RASGRF1: variants seen among roughly 807,000 people sequenced by gnomAD.
RASGRF1 encodes the protein ras-specific guanine nucleotide-releasing factor 1.
Under a neutral mutation model 138.7 loss-of-function variants are expected in RASGRF1, and 40 were observed. The ratio of observed to expected loss-of-function variants is 0.29; its 90% CI spans 0.22 to 0.38. The LOEUF is 0.38. Ranked by LOEUF, RASGRF1 falls within the 10% of genes least tolerant of loss-of-function variation. RASGRF1 has a pLI of 1.00. For synonymous variants in RASGRF1, 614 were observed against 663.2 expected (o/e 0.93, Z 1.14); for missense variants, 1,108 against 1,650.4 (o/e 0.67, Z 5.69).
In RASGRF1 at chr15:78,990,343, TTTTTA is replaced by T. The variant is rs200701574; in HGVS notation, c.3132-75_3132-71del. The T allele has an allele frequency of 4.0e-5, 44 of 1,090,216 alleles. No individual in the cohort carries two copies. The East Asian group carries it at 8.3e-4, about 20-fold the overall frequency. 67.5% of individuals were successfully genotyped at this position (1,090,216 alleles called of 1,614,324 possible). Reference sequence around the variant, plus strand: ...CCTTGCTGATTTCATTGCTCCATGCTTTTTATTTTATTTTTTGGCTTTTTGAGGCT... The same window carrying T: ...CCTTGCTGATTTCATTGCTCCATGCTTTTTATTTTTTGGCTTTTTGAGGCT... On this transcript the variant is annotated intron_variant, in intron 21 of 26. Coordinates refer to ENST00000558480, the MANE Select transcript of RASGRF1 (RefSeq NM_001145648.3).
At chr15:79,066,866 T>G (rs937275818) in intron 1 of RASGRF1, among the ~76,000 whole-genome samples, 1 of 152,104 alleles carries the variant, frequency 6.6e-6, no homozygotes, top group Non-Finnish European at 1.5e-5. Flanking sequence ...CCTGGAGGCT[T>G]CAGGAAGCCG....
At chr15:79,019,549 C>A (rs1161175857) in intron 11 of RASGRF1, among the ~76,000 whole-genome samples, 3 of 152,200 alleles carry the variant, frequency 2.0e-5, no homozygotes, top group Admixed American at 6.5e-5. Flanking sequence ...CCCTGCAATC[C>A]CTCTGTCAGT....
intron 20 of RASGRF1, 104 bp from the exon 21 acceptor site, chr15:78,991,898 G>A (rs1326359353): frequency 1.2e-5 from 10 of 846,382 alleles, no homozygotes; most frequent in African/African-American, 1.7e-5. Flanking sequence ...GAATTGGGTG[G>A]GCGGGTGGAC....
rs1405939158 is a variant in RASGRF1 at position 79,006,782 on chromosome 15, T to C, written c.1827-348A>G. 2.0e-5 allele frequency among the ~76,000 whole-genome samples: 3 copies of C among 151,978 alleles called. No individual in the cohort carries two copies. Among genetic ancestry groups the C allele is most frequent in the Non-Finnish European group, 4.4e-5 (3 of 67,972 alleles). ...ATCCCAGCACTTTGGGAGGCTGAGG[T>C]GGGAGGATCACTTGAGGTCAGGAGC... On this transcript the variant is annotated intron_variant, in intron 13 of 26. Transcript: ENST00000558480. The surrounding 1 kb of genome is among the most constrained non-coding windows in gnomAD (Gnocchi z 4.0).
chr15:79,052,682 G>C (rs1460408220), intron 3 of RASGRF1, among the ~76,000 whole-genome samples: 2 of 152,212 alleles, frequency 1.3e-5, no homozygotes, highest in Non-Finnish European at 2.9e-5. Flanking sequence ...CCCCAGGAAA[G>C]GTTTTGAAGG....
At position 79,003,991 on chromosome 15, in the gene RASGRF1, G is replaced by C; in HGVS notation, c.2260C>G (p.Leu754Val). 2 of 1,614,208 alleles carry C rather than the reference G, an allele frequency of 1.2e-6. No homozygotes were observed. The highest frequency in any genetic ancestry group is 8.5e-7 in the Non-Finnish European group (1 of 1,180,034). The change falls in exon 15 of 27, where the codon CTG becomes GTG. Residue 754 changes from leucine to valine, a missense_variant. By Grantham distance (32) the Leu-to-Val change is conservative. This residue lies in a region of RASGRF1 where 686 missense variants were observed against 976.7 expected (regional missense o/e 0.70). Transcript: ENST00000558480. ...TTGCAGCTGAGGGCGGCCAGGTCCA[G>C]GGCCTTGCCGCCAGTGATGATGGGG... ...NIPIITGGKA[L>V]DLAALSCNSN...
At chr15:79,036,456 T>C (rs1024931516) in intron 5 of RASGRF1, among the ~76,000 whole-genome samples, 6 of 152,360 alleles carry the variant, frequency 3.9e-5, no homozygotes, top group African/African-American at 1.4e-4. Context: ...TTTGTTTGGC[T>C]GTTTGAGGCA....
chr15:78,978,660 C>T (rs1287936813), intron 24 of RASGRF1: 26 of 1,013,222 alleles, frequency 2.6e-5, no homozygotes, highest in African/African-American at 1.4e-4. Context: ...ACTGCCACCT[C>T]GCTACTCTTG....
chr15:78,980,378 T>C (rs1848936672), intron 24 of RASGRF1: 1 of 379,946 alleles, frequency 2.6e-6, no homozygotes, highest in African/African-American at 2.0e-5. Context: ...CTACTATGCT[T>C]TCAGGGATCC....
At chr15:79,019,902 G>A (rs1471045411) in intron 11 of RASGRF1, 139 bp downstream of exon 11, 3 of 947,660 alleles carry the variant, frequency 3.2e-6, no homozygotes, top group African/African-American at 3.2e-5. Context: ...TGTGCATGAG[G>A]GCATGTGTGG....
Position 79,030,966 on chromosome 15 carries a change from T to C in RASGRF1, c.1262+434A>G, listed in dbSNP as rs550116355. 3.4e-3 allele frequency among the ~76,000 whole-genome samples: 520 copies of C among 152,326 alleles called. 2 individuals carry two copies. The highest frequency in any genetic ancestry group is 0.011 in the African/African-American group (476 of 41,578). ...GGGGCACTAGATTGGACAAGCCATG[T>C]GCTTATCCAACCACTGCCACTACCT... On this transcript the variant is annotated intron_variant, in intron 8 of 26. Transcript: ENST00000558480.
At position 79,090,562 on chromosome 15, in the gene RASGRF1, G is replaced by A. The variant is rs1165378986; in HGVS notation, c.-64C>T. Reference sequence around the variant, plus strand: ...TTCTCCGCGCAGCAGCCCCCCGTCCGTGCGCGCTGCGCGCTGCCTCTCTCT... The same window carrying A: ...TTCTCCGCGCAGCAGCCCCCCGTCCATGCGCGCTGCGCGCTGCCTCTCTCT... On this transcript the variant is annotated 5_prime_UTR_variant, in exon 1 of 27. It adds an upstream start codon to the 5' untranslated region. Transcript: ENST00000558480. 5 of 1,570,918 alleles carry A rather than the reference G, an allele frequency of 3.2e-6. No homozygotes were observed. The highest frequency in any genetic ancestry group is 8.6e-7 in the Non-Finnish European group (1 of 1,160,632).
chr15:79,010,925 T>G (rs1480676186), intron 13 of RASGRF1, among the ~76,000 whole-genome samples: 2 of 151,890 alleles, frequency 1.3e-5, no homozygotes, highest in South Asian at 2.1e-4. Flanking sequence ...CTGGTGGGAG[T>G]ACTCGGGACA....
At chr15:78,972,730 TGA>T (rs562374609) in intron 25 of RASGRF1, among the ~76,000 whole-genome samples, 127 of 152,148 alleles carry the variant, frequency 8.3e-4, no homozygotes, top group African/African-American at 2.9e-3. Context: ...TCTGGCGAAG[TGA>T]GAGGGGAGAA....
intron 1 of RASGRF1, 84 bp from the exon 2 acceptor site, chr15:79,064,610 A>G (rs762475521): frequency 2.3e-6 from 3 of 1,309,862 alleles, no homozygotes; most frequent in Non-Finnish European, 3.3e-6. Flanking sequence ...GCTGTTTTGC[A>G]AAGTGCCTGC....
At chr15:79,041,204 C>A (rs539644109) in intron 5 of RASGRF1, among the ~76,000 whole-genome samples, 4 of 152,186 alleles carry the variant, frequency 2.6e-5, no homozygotes, top group African/African-American at 9.7e-5. Flanking sequence ...TATAGCCACA[C>A]TCATTTGTTT....
intron 13 of RASGRF1, among the ~76,000 whole-genome samples, chr15:79,011,477 T>C (rs1218103710): frequency 1.3e-5 from 2 of 152,138 alleles, no homozygotes; most frequent in Non-Finnish European, 2.9e-5. Context: ...ATATGGAACA[T>C]TCAATATTTA....
At chr15:79,082,426 C>T (rs1344911066) in intron 1 of RASGRF1, among the ~76,000 whole-genome samples, 1 of 152,174 alleles carries the variant, frequency 6.6e-6, no homozygotes, top group Non-Finnish European at 1.5e-5. Flanking sequence ...AGCCCAGGTC[C>T]CTGAGTGATC....
intron 11 of RASGRF1, 122 bp downstream of exon 11, chr15:79,019,919 C>A: frequency 8.3e-7 from 1 of 1,204,224 alleles, no homozygotes; most frequent in Non-Finnish European, 1.2e-6. Flanking sequence ...GTGGACCTCC[C>A]CTCCGCACTT....
Sources: gnomAD v4.1 joint callset for allele counts (sites outside exome capture counted in the v4.1 genomes callset) on GRCh38, gnomAD v4.1.1 for gene constraint, gnomAD v4.1.1 regional missense constraint, Gnocchi (gnomAD v3.1) non-coding constraint, MANE v1.5 for transcripts, NCBI Gene and HGNC (gene_info 2026-07-23, HGNC 2026-07-21) for gene names.